Variants in SUMF1 observed in about 807,000 individuals in gnomAD.
The protein encoded by SUMF1 is formylglycine-generating enzyme.
In SUMF1, 48 loss-of-function variants were observed where a neutral mutation model predicts 47.6. The ratio of observed to expected loss-of-function variants is 1.01; its 90% confidence interval spans 0.80 to 1.28. The LOEUF is 1.28. Among genes scored for constraint, SUMF1 ranks in the 50% most tolerant of loss-of-function variants. SUMF1 has a pLI of 0.00. For missense variants in SUMF1, 571 were observed against 485.4 expected, an observed-to-expected ratio of 1.18 and a Z score of -1.66; for synonymous variants, 230 against 192.1, an observed-to-expected ratio of 1.20 and a Z score of -1.63.
At chr3:4,147,661 T>C (rs1357164088) in intron 8 of SUMF1, among the ~76,000 whole-genome samples, 2 of 152,136 alleles carry the variant, frequency 1.3e-5, no homozygotes, top group African/African-American at 4.8e-5. Context: ...GAAAATAAAC[T>C]ATTGCCACAT....
Position 4,308,862 on chromosome 3 carries a change from A to G in SUMF1, c.1014+67468T>C, listed in dbSNP as rs921216326. ...GAGTCAAACTCTGCAAAATATTTGA[A>G]GAGATTTATTCTGAGCCAAATATGA... On this transcript the variant is annotated intron_variant and NMD_transcript_variant, in intron 8 of 12. Transcript: ENST00000448413. Among the ~76,000 whole-genome samples, 15 of 152,232 alleles carry G rather than the reference A, an allele frequency of 9.9e-5. 2 individuals carry two copies. The highest frequency in any genetic ancestry group is 9.2e-4 in the Admixed American group (14 of 15,284).
chr3:4,337,014 C>CCCTT (rs1699166538), intron 8 of SUMF1, among the ~76,000 whole-genome samples: 1 of 152,146 alleles, frequency 6.6e-6, no homozygotes, highest in East Asian at 1.9e-4. Context: ...CATGCTCTTA[C>CCCTT]CCTTGCCTTC....
At chr3:4,117,853 T>A (rs1361177548) in intron 8 of SUMF1, among the ~76,000 whole-genome samples, 1 of 151,614 alleles carries the variant, frequency 6.6e-6, no homozygotes, top group Non-Finnish European at 1.5e-5. Context: ...GGCTACATGG[T>A]TCTAATTGGT....
intron 8 of SUMF1, among the ~76,000 whole-genome samples, chr3:4,224,410 G>A (rs951474807): frequency 1.3e-5 from 2 of 151,900 alleles, no homozygotes; most frequent in African/African-American, 4.8e-5. Flanking sequence ...CAAGTTTTTG[G>A]CTCCCTAGCA....
chr3:4,327,520 G>A (rs1698969847), intron 8 of SUMF1, among the ~76,000 whole-genome samples: 2 of 151,916 alleles, frequency 1.3e-5, no homozygotes, highest in Admixed American at 6.6e-5. Flanking sequence ...AAACACAATT[G>A]TCAAGGAAAT....
At chr3:4,345,907 T>G (rs1248343036) in intron 8 of SUMF1, among the ~76,000 whole-genome samples, 1 of 151,940 alleles carries the variant, frequency 6.6e-6, no homozygotes, top group Admixed American at 6.6e-5. Flanking sequence ...CAAAAGAGAC[T>G]TTAAACCAAC....
rs74754856 is a variant in SUMF1, at chr3:4,121,587, A to T, written c.1015-52842T>A. 7.6e-3 allele frequency among the ~76,000 whole-genome samples: 1,157 copies of T among 152,256 alleles called. 16 individuals carry two copies. The highest frequency in any genetic ancestry group is 0.027 in the African/African-American group (1,108 of 41,534). On this transcript the variant is annotated intron_variant and NMD_transcript_variant, in intron 8 of 12. Coordinates refer to the SUMF1 transcript ENST00000448413. ...TAGACATAATTTGAAAAGTAAACAC[A>T]TGCTCAAAAAGTTAAACATATAGTT...
At chr3:4,171,858 G>T (rs984521233) in intron 8 of SUMF1, among the ~76,000 whole-genome samples, 6 of 152,120 alleles carry the variant, frequency 3.9e-5, no homozygotes, top group African/African-American at 1.4e-4. Context: ...GAAACATCAG[G>T]TACCAGAAGG....
Position 4,350,698 on chromosome 3 carries a change from A to C in SUMF1, c.1014+25632T>G, listed in dbSNP as rs577741318. Among the ~76,000 whole-genome samples the C allele has an allele frequency of 7.8e-4, 119 of 152,326 alleles. 1 individual carries two copies. Among genetic ancestry groups the C allele is most frequent in the African/African-American group, 2.8e-3 (115 of 41,582 alleles). ...CAGTAGAAGTTCAGAAAATGATTAC[A>C]GTAAAAAGATGACAAATTATTCCAG... On this transcript the variant is annotated intron_variant and NMD_transcript_variant, in intron 8 of 12. Coordinates refer to the SUMF1 transcript ENST00000448413.
At chr3:4,131,956 C>G (rs1693801448) in intron 8 of SUMF1, among the ~76,000 whole-genome samples, 1 of 152,122 alleles carries the variant, frequency 6.6e-6, no homozygotes, top group African/African-American at 2.4e-5. Context: ...CTCACCAAGG[C>G]CGACCTGGCT....
intron 8 of SUMF1, among the ~76,000 whole-genome samples, chr3:4,084,797 T>G (rs1692637570): frequency 6.6e-6 from 1 of 152,130 alleles, no homozygotes; most frequent in African/African-American, 2.4e-5. Flanking sequence ...AAGGGTATGA[T>G]TAAAATTCCT....
chr3:4,461,165 A>G (rs748163673), intron 1 of SUMF1, among the ~76,000 whole-genome samples: 5 of 152,262 alleles, frequency 3.3e-5, no homozygotes, highest in Non-Finnish European at 7.3e-5. Flanking sequence ...TATTTAATTT[A>G]TAACAGTTCT....
intron 8 of SUMF1, among the ~76,000 whole-genome samples, chr3:4,109,353 G>T (rs376520702): frequency 1.3e-4 from 20 of 152,124 alleles, no homozygotes; most frequent in South Asian, 6.2e-4. Flanking sequence ...TGGCTGCCCT[G>T]AACATTTTTT....
At chr3:4,389,402 G>A (rs968412970) in intron 7 of SUMF1, among the ~76,000 whole-genome samples, 3 of 147,504 alleles carry the variant, frequency 2.0e-5, no homozygotes, top group Non-Finnish European at 3.0e-5. Flanking sequence ...TGTCTTTAGT[G>A]TTCAGAAGTT....
At chr3:4,065,183 G>C (rs1419487113) in intron 9 of SUMF1, among the ~76,000 whole-genome samples, 1 of 152,024 alleles carries the variant, frequency 6.6e-6, no homozygotes, top group African/African-American at 2.4e-5. Flanking sequence ...AGACTTAATA[G>C]TTTCTTCCGC....
chr3:4,165,902 A>G (rs1694693849), intron 8 of SUMF1, among the ~76,000 whole-genome samples: 1 of 135,650 alleles, frequency 7.4e-6, no homozygotes. Flanking sequence ...TGGTCCCTGG[A>G]CCCTGCTGAT....
intron 8 of SUMF1, among the ~76,000 whole-genome samples, chr3:4,248,687 G>A (rs969859946): frequency 1.3e-5 from 2 of 152,114 alleles, no homozygotes; most frequent in East Asian, 3.8e-4. Flanking sequence ...CTTTTTTCCT[G>A]CTTCCACCTG....
intron 9 of SUMF1, among the ~76,000 whole-genome samples, chr3:4,061,818 A>C (rs1032789857): frequency 2.0e-5 from 3 of 152,150 alleles, no homozygotes; most frequent in Admixed American, 6.6e-5. Context: ...GTCTGTTTAC[A>C]CATCTAGTTA....
intron 8 of SUMF1, chr3:4,312,832 C>T: frequency 4.6e-6 from 7 of 1,510,902 alleles, no homozygotes; most frequent in Non-Finnish European, 6.2e-6. Flanking sequence ...CAGTCAGAAG[C>T]TACTTGGAAT....
Sources: gnomAD v4.1 joint callset for allele counts (sites outside exome capture counted in the v4.1 genomes callset) on GRCh38, gnomAD v4.1.1 for gene constraint, MANE v1.5 for transcripts, NCBI Gene and HGNC (gene_info 2026-07-23, HGNC 2026-07-21) for gene names.